KCND2: variants seen among roughly 807,000 people sequenced by gnomAD.
KCND2 encodes the protein potassium voltage-gated channel subfamily D member 2.
KCND2 carries 16 observed loss-of-function variants against 54.4 expected under a neutral mutation model. The observed-to-expected ratio is 0.29, with a 90% CI of 0.20 to 0.45. KCND2 has a LOEUF of 0.45. KCND2 is among the 20% of genes least tolerant of loss of function. The pLI is 1.00. For missense variants in KCND2, 486 were observed against 824.2 expected (o/e 0.59, Z 5.02); for synonymous variants, 317 against 310.7 (o/e 1.02, Z -0.21).
chr7:120,641,082 A>G (rs1793365206), intron 1 of KCND2, among the ~76,000 whole-genome samples: 1 of 152,206 alleles, frequency 6.6e-6, no homozygotes. Flanking sequence ...GAGGAACGCT[A>G]TTTCTACAAT....
intron 1 of KCND2, among the ~76,000 whole-genome samples, chr7:120,593,554 C>T (rs1792697437): frequency 6.6e-6 from 1 of 152,058 alleles, no homozygotes; most frequent in African/African-American, 2.4e-5. Context: ...AGCTAATAGA[C>T]AGGTAAGAAA....
chr7:120,490,387 A>G lies in KCND2; in HGVS notation c.1115+214640A>G, dbSNP rs552561496. On this transcript the variant is annotated intron_variant, in intron 1 of 5. Coordinates refer to ENST00000331113, the MANE Select transcript of KCND2 (RefSeq NM_012281.3). ...TGTGATCCCAGTAGTTATTAGACCAACTCTGAGAACTTATTATATAATTCG... is the reference window on the plus strand; with the variant it reads ...TGTGATCCCAGTAGTTATTAGACCAGCTCTGAGAACTTATTATATAATTCG... Among the ~76,000 whole-genome samples, 14 of 152,226 alleles carry G rather than the reference A, an allele frequency of 9.2e-5. No individual in the cohort carries two copies. The South Asian group carries it at 1.2e-3, about 14-fold the overall frequency.
chr7:120,294,422 C>A (rs1423557465), intron 1 of KCND2, among the ~76,000 whole-genome samples: 1 of 151,778 alleles, frequency 6.6e-6, no homozygotes, highest in African/African-American at 2.4e-5. Context: ...TGGCTAAACA[C>A]TATTTTTAAC....
chr7:120,745,031 T>C lies in KCND2; in HGVS notation c.1468-749T>C, dbSNP rs183187557. On this transcript the variant is annotated intron_variant, in intron 4 of 5. Coordinates refer to ENST00000331113, the MANE Select transcript of KCND2 (RefSeq NM_012281.3). The stretch of plus-strand genomic sequence containing the variant: ...TGCTATTTGCTACTGGGCTGGAAGT[T>C]AGGAAATAGTGACGGAAAAACCCCA... Among the ~76,000 whole-genome samples the C allele has an allele frequency of 9.9e-4, 151 of 152,174 alleles. No homozygotes were observed. The Middle Eastern group carries it at 0.01, about 10-fold the overall frequency.
At position 120,713,686 on chromosome 7, in the gene KCND2, CT is replaced by C. The variant is rs1792568704; in HGVS notation, c.1116-19213del. 2.6e-5 allele frequency among the ~76,000 whole-genome samples: 4 copies of C among 152,162 alleles called. 1 individual carries two copies. Among genetic ancestry groups the C allele is most frequent in the Non-Finnish European group, 5.9e-5 (4 of 68,022 alleles). ...ACCGCCACTCAAATGATCCTGTTAT[CT>C]TTTGCTAATCTGCAATTTAGTTGTA... On this transcript the variant is annotated intron_variant, in intron 1 of 5. Transcript: ENST00000331113.
At chr7:120,739,998 T>C (rs1009763269) in intron 2 of KCND2, among the ~76,000 whole-genome samples, 9 of 152,096 alleles carry the variant, frequency 5.9e-5, no homozygotes, top group African/African-American at 2.2e-4. Context: ...TATACCGTGG[T>C]ATATTATACA....
chr7:120,566,107 T>G (rs961409293), intron 1 of KCND2, among the ~76,000 whole-genome samples: 1 of 152,182 alleles, frequency 6.6e-6, no homozygotes, highest in East Asian at 1.9e-4. Flanking sequence ...CTTGTACATT[T>G]TTTTCTACCT....
chr7:120,297,520 G>C (rs933820493), intron 1 of KCND2, among the ~76,000 whole-genome samples: 1 of 152,084 alleles, frequency 6.6e-6, no homozygotes, highest in Non-Finnish European at 1.5e-5. Flanking sequence ...TAATACAAGA[G>C]TGCAGATATC....
chr7:120,337,541 A>G (rs1271123897), intron 1 of KCND2, among the ~76,000 whole-genome samples: 2 of 152,148 alleles, frequency 1.3e-5, no homozygotes, highest in Non-Finnish European at 2.9e-5. Flanking sequence ...CTATTTCTCC[A>G]TTATCAAAAC....
intron 1 of KCND2, among the ~76,000 whole-genome samples, chr7:120,710,317 G>GC (rs1198480682): frequency 6.6e-6 from 1 of 152,158 alleles, no homozygotes; most frequent in Non-Finnish European, 1.5e-5. Context: ...TAATTGCTTT[G>GC]CCATTGATTG....
intron 1 of KCND2, among the ~76,000 whole-genome samples, chr7:120,398,743 TC>T (rs1801197201): frequency 6.6e-6 from 1 of 152,106 alleles, no homozygotes; most frequent in Non-Finnish European, 1.5e-5. Context: ...GCTAAGAAGT[TC>T]AGTAATTTGT....
chr7:120,298,032 A>G (rs1056195364), intron 1 of KCND2, among the ~76,000 whole-genome samples: 3 of 152,126 alleles, frequency 2.0e-5, no homozygotes, highest in Non-Finnish European at 4.4e-5. Flanking sequence ...TGAGGAATTG[A>G]ATTTGTAATA....
At chr7:120,668,743 T>C (rs1311110128) in intron 1 of KCND2, among the ~76,000 whole-genome samples, 6 of 152,138 alleles carry the variant, frequency 3.9e-5, no homozygotes, top group Non-Finnish European at 8.8e-5. Context: ...ATAAAAGATA[T>C]TTGCAGGAAA....
intron 1 of KCND2, among the ~76,000 whole-genome samples, chr7:120,335,547 T>A (rs541004061): frequency 6.6e-6 from 1 of 151,206 alleles, no homozygotes; most frequent in Non-Finnish European, 1.5e-5. Context: ...AGTGCAGTGG[T>A]GCGATCTTGG....
chr7:120,306,833 A>T (rs1168738237), intron 1 of KCND2, among the ~76,000 whole-genome samples: 1 of 152,076 alleles, frequency 6.6e-6, no homozygotes, highest in African/African-American at 2.4e-5. Context: ...CAGTATCAAA[A>T]TTAGTGAAAC....
intron 1 of KCND2, among the ~76,000 whole-genome samples, chr7:120,491,207 G>A (rs1344031924): frequency 1.3e-5 from 2 of 152,090 alleles, no homozygotes; most frequent in Admixed American, 6.6e-5. Flanking sequence ...AAGTGTTGGG[G>A]TTCACTAAGT....
chr7:120,321,584 ATG>A (rs1799893427), intron 1 of KCND2, among the ~76,000 whole-genome samples: 2 of 152,274 alleles, frequency 1.3e-5, no homozygotes, highest in African/African-American at 4.8e-5. Context: ...AACTATAAAA[ATG>A]TGTTTATACT....
intron 1 of KCND2, among the ~76,000 whole-genome samples, chr7:120,546,610 T>C (rs1792045114): frequency 6.6e-6 from 1 of 151,956 alleles, no homozygotes; most frequent in Non-Finnish European, 1.5e-5. Flanking sequence ...TCATGTCCTT[T>C]ATTTGTATTT....
intron 1 of KCND2, among the ~76,000 whole-genome samples, chr7:120,511,024 T>TCA (rs10594846): frequency 0.063 from 9,077 of 144,914 alleles, 314 homozygotes; most frequent in South Asian, 0.12. Flanking sequence ...TCTCTCTCTC[T>TCA]CACACACACA....
Sources: gnomAD v4.1 joint callset for allele counts (sites outside exome capture counted in the v4.1 genomes callset) on GRCh38, gnomAD v4.1.1 for gene constraint, MANE v1.5 for transcripts, NCBI Gene and HGNC (gene_info 2026-07-23, HGNC 2026-07-21) for gene names.